The following SLC35D4 variants were observed in gnomAD, a reference collection of about 807,000 sequenced individuals.
SLC35D4 encodes the protein solute carrier family 35 member D4.
the SLC35D4 span, among the ~76,000 whole-genome samples, chr18:23,413,519 CACCTTATCT>C: frequency 6.6e-6 from 1 of 152,220 alleles, no homozygotes. Flanking sequence ...CCTCCAGCAC[CACCTTATCT>C]ACCTCACCCC....
the SLC35D4 span, among the ~76,000 whole-genome samples, chr18:23,314,391 A>G: frequency 4.1e-3 from 621 of 152,322 alleles, 6 homozygotes; most frequent in African/African-American, 0.014. Context: ...GATAAAACCA[A>G]GCTCCCAGTA....
the SLC35D4 span, among the ~76,000 whole-genome samples, chr18:23,394,905 C>T: frequency 1.1e-4 from 16 of 149,832 alleles, no homozygotes; most frequent in Non-Finnish European, 1.6e-4. Context: ...ATCACTTGAA[C>T]CTGGGAGGCA....
the SLC35D4 span, among the ~76,000 whole-genome samples, chr18:23,422,814 TCC>T: frequency 6.2e-4 from 93 of 151,112 alleles, 1 homozygote; most frequent in African/African-American, 1.8e-3. Context: ...CAAACACCCC[TCC>T]CCCCCCCAAT....
chr18:23,371,457 C>A, the SLC35D4 span: 1 of 1,596,700 alleles, frequency 6.3e-7, no homozygotes, highest in Non-Finnish European at 8.5e-7. Flanking sequence ...CCAAAAATAT[C>A]CATCTGGATT....
chr18:23,364,635 T>C, the SLC35D4 span, among the ~76,000 whole-genome samples: 1 of 152,170 alleles, frequency 6.6e-6, no homozygotes, highest in Non-Finnish European at 1.5e-5. Flanking sequence ...CCGGGCGCAG[T>C]GGCTCACGCC....
At chr18:23,392,903 C>T in the SLC35D4 span, among the ~76,000 whole-genome samples, 1 of 152,122 alleles carries the variant, frequency 6.6e-6, no homozygotes, top group African/African-American at 2.4e-5. Flanking sequence ...CTACTGGAAC[C>T]TAGGTGATTT....
chr18:23,404,453 T>TTA, the SLC35D4 span, among the ~76,000 whole-genome samples: 13 of 150,890 alleles, frequency 8.6e-5, no homozygotes, highest in East Asian at 5.9e-4. Flanking sequence ...GGCAGGCGGA[T>TTA]CATGAGGTCA....
the SLC35D4 span, among the ~76,000 whole-genome samples, chr18:23,322,199 T>A: frequency 6.6e-6 from 1 of 152,210 alleles, no homozygotes; most frequent in Admixed American, 6.5e-5. Flanking sequence ...TGCAATAACA[T>A]TCTCTTGACT....
At chr18:23,366,336 T>G in the SLC35D4 span, among the ~76,000 whole-genome samples, 4 of 152,184 alleles carry the variant, frequency 2.6e-5, no homozygotes, top group African/African-American at 9.7e-5. Flanking sequence ...AAACCCCACT[T>G]GAGGGGCCCA....
the SLC35D4 span, among the ~76,000 whole-genome samples, chr18:23,242,136 G>C: frequency 5.9e-5 from 9 of 152,208 alleles, no homozygotes; most frequent in African/African-American, 2.2e-4. Context: ...AAATGAGCCA[G>C]GTGTAGTGGC....
chr18:23,282,757 G>T, the SLC35D4 span, among the ~76,000 whole-genome samples: 1 of 152,138 alleles, frequency 6.6e-6, no homozygotes, highest in East Asian at 1.9e-4. Context: ...TTTGGAAGCC[G>T]CTTTAGAATC....
At chr18:23,275,617 C>CGG in the SLC35D4 span, among the ~76,000 whole-genome samples, 1 of 141,488 alleles carries the variant, frequency 7.1e-6, no homozygotes, top group South Asian at 2.2e-4. Context: ...CTGTGCTGTG[C>CGG]TGTGCTGTGC....
At chr18:23,384,776 A>T in the SLC35D4 span, among the ~76,000 whole-genome samples, 1 of 152,148 alleles carries the variant, frequency 6.6e-6, no homozygotes, top group African/African-American at 2.4e-5. Context: ...CCTGGATCTG[A>T]GTTCAGTTCA....
At chr18:23,415,688 A>G in the SLC35D4 span, among the ~76,000 whole-genome samples, 4 of 152,230 alleles carry the variant, frequency 2.6e-5, no homozygotes, top group South Asian at 2.1e-4. Context: ...AATTGCTTCA[A>G]TGTTCTGCAA....
chr18:23,278,372 T>C, the SLC35D4 span, among the ~76,000 whole-genome samples: 4 of 152,118 alleles, frequency 2.6e-5, no homozygotes, highest in African/African-American at 9.7e-5. Context: ...ATGAACACAA[T>C]GCATATAAGT....
the SLC35D4 span, among the ~76,000 whole-genome samples, chr18:23,279,329 C>T: frequency 6.6e-6 from 1 of 152,198 alleles, no homozygotes; most frequent in Non-Finnish European, 1.5e-5. Context: ...TATATCTCAT[C>T]AGTCAGAACT....
chr18:23,308,848 T>TTCTCTCTCTCTCTCTC, the SLC35D4 span, among the ~76,000 whole-genome samples: 676 of 140,168 alleles, frequency 4.8e-3, 8 homozygotes, highest in African/African-American at 0.018. Context: ...AGCACGTGTT[T>TTCTCTCTCTCTCTCTC]TCTCTCTCTC....
chr18:23,278,546 A>T, the SLC35D4 span, among the ~76,000 whole-genome samples: 1 of 152,192 alleles, frequency 6.6e-6, no homozygotes, highest in African/African-American at 2.4e-5. Flanking sequence ...AGCTATAATT[A>T]CTGTAACCCA....
the SLC35D4 span, among the ~76,000 whole-genome samples, chr18:23,323,507 C>T: frequency 6.6e-6 from 1 of 152,162 alleles, no homozygotes; most frequent in Non-Finnish European, 1.5e-5. Flanking sequence ...AAGGACTGGA[C>T]CCTGGCTCCA....
Sources: allele counts gnomAD v4.1 joint callset (sites outside exome capture counted in the v4.1 genomes callset), GRCh38; gene constraint gnomAD v4.1.1; transcripts MANE v1.5; gene names NCBI Gene and HGNC (gene_info 2026-07-23, HGNC 2026-07-21).